Variants in C1orf94 observed in about 807,000 individuals in gnomAD.
The protein encoded by C1orf94 is uncharacterized protein C1orf94.
C1orf94 carries 45 observed loss-of-function variants against 53.6 expected under a neutral mutation model. The ratio of observed to expected loss-of-function variants is 0.84; its 90% CI spans 0.66 to 1.08. C1orf94 has a LOEUF of 1.08. C1orf94 is among the 50% of genes least tolerant of loss of function. C1orf94 has a pLI of 0.00. For synonymous variants in C1orf94, 304 were observed against 296.1 expected, an observed-to-expected ratio of 1.03 and a Z score of -0.27; for missense variants, 762 against 738.9, an observed-to-expected ratio of 1.03 and a Z score of -0.36.
intron 1 of C1orf94, among the ~76,000 whole-genome samples, chr1:34,178,652 G>A (rs922218636): frequency 2.6e-5 from 4 of 152,200 alleles, no homozygotes; most frequent in South Asian, 2.1e-4. Flanking sequence ...ATTAAAGTGC[G>A]GGAAGATGGC....
Position 34,197,827 on chromosome 1 carries a change from C to G in C1orf94, c.923C>G (p.Pro308Arg). Reference sequence around the variant, plus strand: ...CGTCCTGACAAGCTCCCTGAGCTCCCTGCTCAGAAGAGGCAGCTCCCAGTG... The same window carrying G: ...CGTCCTGACAAGCTCCCTGAGCTCCGTGCTCAGAAGAGGCAGCTCCCAGTG... ...PARPDKLPEL[P>R]AQKRQLPVFA... The change falls in exon 2 of 7, where the codon CCT (proline) becomes CGT (arginine). Residue 308 changes from proline (P) to arginine (R), a missense_variant. Physicochemically the swap from Pro to Arg is moderately radical, Grantham distance 103. Transcript: ENST00000488417. The surrounding 1 kb of genome is among the most constrained non-coding windows in gnomAD (Gnocchi z 4.1). 1 of 1,614,216 alleles carries G rather than the reference C, an allele frequency of 6.2e-7. No homozygotes were observed. The highest frequency in any genetic ancestry group is 8.5e-7 in the Non-Finnish European group (1 of 1,180,038).
chr1:34,186,173 A>T (rs2148613610), intron 1 of C1orf94, among the ~76,000 whole-genome samples: 1 of 152,294 alleles, frequency 6.6e-6, no homozygotes, highest in South Asian at 2.1e-4. Flanking sequence ...GATAACAAAA[A>T]ATAAGGAGAC....
At chr1:34,182,774 AAGGTGGGGAGTGT>A (rs1279306451) in intron 1 of C1orf94, among the ~76,000 whole-genome samples, 3 of 152,294 alleles carry the variant, frequency 2.0e-5, no homozygotes, top group Admixed American at 6.5e-5. Context: ...TGGCAAACTC[AAGGTGGGGAGTGT>A]AGGGCCTCAG....
Position 34,200,924 on chromosome 1 carries a change from T to C in C1orf94, c.1162T>C (p.Cys388Arg). The change falls in exon 3 of 7, where the codon TGT (cysteine) becomes CGT (arginine). Residue 388 changes from cysteine to arginine, a missense_variant. Coordinates refer to ENST00000488417, the MANE Select transcript of C1orf94 (RefSeq NM_001134734.2). ...SLTLPPKKPT[C>R]PAEKNLLYEF... ...GACCCTGCCGCCCAAGAAACCTACA[T>C]GTCCAGCCGAGAAGAACTTGCTCTA... is the stretch of plus-strand genomic sequence containing the variant. 3 of 1,614,026 alleles carry C rather than the reference T, an allele frequency of 1.9e-6. No individual in the cohort carries two copies. Among genetic ancestry groups the C allele is most frequent in the Non-Finnish European group, 2.5e-6 (3 of 1,179,984 alleles).
In C1orf94 at chr1:34,202,231, C is replaced by A; in HGVS notation, c.1418C>A (p.Thr473Lys). ...AACTATCCACCTCCACCAGTGTTCA[C>A]GAATCACTCTACCTTCTTGCAGTAT... ...NLNYPPPPVF[T>K]NHSTFLQYQG... Residue 473 changes from threonine to lysine, a missense_variant, in exon 4 of 7, where the codon ACG becomes AAG. Physicochemically the swap from Thr to Lys is moderately conservative, Grantham distance 78. Coordinates refer to ENST00000488417, the MANE Select transcript of C1orf94 (RefSeq NM_001134734.2). 1 of 1,614,186 alleles carries A rather than the reference C, an allele frequency of 6.2e-7. No individual in the cohort carries two copies. The highest frequency in any genetic ancestry group is 8.5e-7 in the Non-Finnish European group (1 of 1,180,018).
At chr1:34,214,120 T>G (rs562003916) in intron 6 of C1orf94, among the ~76,000 whole-genome samples, 1 of 152,086 alleles carries the variant, frequency 6.6e-6, no homozygotes, top group Non-Finnish European at 1.5e-5. Flanking sequence ...CCTGGCAAAG[T>G]GAAAACCATC....
intron 1 of C1orf94, among the ~76,000 whole-genome samples, chr1:34,170,454 G>A (rs1642129716): frequency 6.6e-6 from 1 of 152,138 alleles, no homozygotes; most frequent in Non-Finnish European, 1.5e-5. Flanking sequence ...AGCACAGAGT[G>A]GGCCAGCTCA....
At chr1:34,178,192 T>G in intron 1 of C1orf94, 83 bp downstream of exon 1, 1 of 1,398,958 alleles carries the variant, frequency 7.1e-7, no homozygotes, top group African/African-American at 1.4e-5. Context: ...TCTGGCCCAC[T>G]GTTGAGGCTG....
chr1:34,200,946 T>A lies in C1orf94; in HGVS notation c.1184T>A (p.Leu395His), dbSNP rs1233719030. The A allele has an allele frequency of 6.2e-7, 1 of 1,613,954 alleles. No homozygotes were observed. The change falls in exon 3 of 7, where the codon CTC (leucine) becomes CAC (histidine). Residue 395 changes from leucine (L) to histidine (H), a missense_variant. By Grantham distance (99) the Leu-to-His change is moderately conservative. Coordinates refer to ENST00000488417, the MANE Select transcript of C1orf94 (RefSeq NM_001134734.2). ...ACATGTCCAGCCGAGAAGAACTTGC[T>A]CTATGAGTTCCTTGGGGCCACCAAG... Reference protein sequence around the residue: ...KPTCPAEKNLLYEFLGATKNP... With the variant: ...KPTCPAEKNLHYEFLGATKNP...
At chr1:34,189,703 C>A (rs751771883) in intron 1 of C1orf94, among the ~76,000 whole-genome samples, 4 of 152,182 alleles carry the variant, frequency 2.6e-5, no homozygotes, top group Non-Finnish European at 5.9e-5. Context: ...TAGCCTGGGG[C>A]CTTTGGTGAC....
intron 1 of C1orf94, among the ~76,000 whole-genome samples, chr1:34,184,919 C>T (rs76122672): frequency 0.025 from 3,792 of 152,138 alleles, 87 homozygotes; most frequent in East Asian, 0.077. Flanking sequence ...GAAACTCAGG[C>T]TGATGTCTCA....
At chr1:34,215,004 T>A (rs145695563) in intron 6 of C1orf94, among the ~76,000 whole-genome samples, 1 of 152,132 alleles carries the variant, frequency 6.6e-6, no homozygotes, top group East Asian at 1.9e-4. Flanking sequence ...CCAGGGATAA[T>A]GAAGTGAACG....
chr1:34,189,988 G>C (rs1001524111), intron 1 of C1orf94, among the ~76,000 whole-genome samples: 1 of 152,212 alleles, frequency 6.6e-6, no homozygotes, highest in Non-Finnish European at 1.5e-5. Flanking sequence ...GGACAGGGAG[G>C]GGGTAAGAGG....
rs147248695 is a variant in C1orf94 at position 34,218,701 on chromosome 1, C to A, written c.1737C>A (p.Ser579=). Reference sequence around the variant, plus strand: ...TCTCTTCCAGGTTCGGCTCGACATCCGGAGGGCCCTTGATGCACAGCCCCT... The same window carrying A: ...TCTCTTCCAGGTTCGGCTCGACATCAGGAGGGCCCTTGATGCACAGCCCCT... The part of the protein sequence containing the change: ...FPQGYGFGST[S]GGPLMHSPYF... Residue 579 remains serine, a synonymous_variant, in exon 7 of 7, where the codon TCC becomes TCA. Transcript: ENST00000488417. 1 of 1,612,248 alleles carries A rather than the reference C, an allele frequency of 6.2e-7. No homozygotes were observed. Among genetic ancestry groups the A allele is most frequent in the Non-Finnish European group, 8.5e-7 (1 of 1,178,778 alleles).
intron 6 of C1orf94, among the ~76,000 whole-genome samples, chr1:34,212,727 C>T (rs1049557150): frequency 6.6e-6 from 1 of 152,176 alleles, no homozygotes; most frequent in African/African-American, 2.4e-5. Context: ...TTGCCTTTAC[C>T]CATGTGCTTG....
intron 1 of C1orf94, among the ~76,000 whole-genome samples, chr1:34,182,438 T>C (rs1642324640): frequency 6.6e-6 from 1 of 152,158 alleles, no homozygotes; most frequent in Non-Finnish European, 1.5e-5. Context: ...ACAGATTCAC[T>C]AATGTTTGAA....
chr1:34,188,715 G>A (rs184111702), intron 1 of C1orf94, among the ~76,000 whole-genome samples: 34 of 152,272 alleles, frequency 2.2e-4, no homozygotes, highest in African/African-American at 4.1e-4. Flanking sequence ...TCCTCACTGC[G>A]GCCCGGAGGG....
chr1:34,181,404 GT>G (rs1642309995), intron 1 of C1orf94, among the ~76,000 whole-genome samples: 1 of 152,164 alleles, frequency 6.6e-6, no homozygotes, highest in Non-Finnish European at 1.5e-5. Flanking sequence ...TCTGTTTCCT[GT>G]TAATGACAAC....
upstream of C1orf94, among the ~76,000 whole-genome samples, chr1:34,173,127 T>C (rs560520924): frequency 3.3e-5 from 5 of 152,332 alleles, no homozygotes; most frequent in African/African-American, 1.2e-4. Context: ...TCATAAAAAT[T>C]TCATTGCATT....
Sources: allele counts gnomAD v4.1 joint callset (sites outside exome capture counted in the v4.1 genomes callset), GRCh38; gene constraint gnomAD v4.1.1; non-coding constraint Gnocchi (gnomAD v3.1); transcripts MANE v1.5; gene names NCBI Gene and HGNC (gene_info 2026-07-23, HGNC 2026-07-21).